The following PUDP variants were observed in gnomAD, a reference collection of about 807,000 sequenced individuals.
PUDP encodes pseudouridine-5'-phosphatase.
Under a neutral mutation model 9.4 loss-of-function variants are expected in PUDP, and 8 were observed. The ratio of observed to expected loss-of-function variants is 0.85; its 90% confidence interval spans 0.50 to 1.53. The LOEUF is 1.53. Ranked by LOEUF, PUDP falls within the 40% of genes most tolerant of loss-of-function variation. PUDP has a pLI of 0.00. For synonymous variants in PUDP, 99 were observed against 80.7 expected (o/e 1.23, Z -1.22); for missense variants, 188 against 189.7 (o/e 0.99, Z 0.05).
At chrX:6,868,986 A>C (rs1000620920) in intron 3 of PUDP, among the ~76,000 whole-genome samples, 4 of 112,040 alleles carry the variant, frequency 3.6e-5, no homozygotes, top group African/African-American at 1.3e-4. Context: ...AGAATTACTA[A>C]AGGTTCTCTG....
At chrX:6,797,518 G>T (rs758969215) in intron 3 of PUDP, among the ~76,000 whole-genome samples, 3 of 111,651 alleles carry the variant, frequency 2.7e-5, no homozygotes, top group Non-Finnish European at 5.6e-5. Flanking sequence ...CATCTTGTAA[G>T]GACACTTAAG....
chrX:6,898,210 T>C (rs1927621265), intron 3 of PUDP, among the ~76,000 whole-genome samples: 1 of 112,593 alleles, frequency 8.9e-6, no homozygotes, highest in Admixed American at 9.4e-5. Flanking sequence ...GGTTGCTCCA[T>C]GTTCTGAGCA....
At chrX:6,838,093 G>A (rs975521467) in intron 3 of PUDP, among the ~76,000 whole-genome samples, 2 of 112,072 alleles carry the variant, frequency 1.8e-5, no homozygotes, top group African/African-American at 3.2e-5. Context: ...AGAAGGTAAG[G>A]ATGGACATGA....
At chrX:7,091,683 G>A (rs1453294919) in intron 2 of PUDP, among the ~76,000 whole-genome samples, 1 of 111,370 alleles carries the variant, frequency 9.0e-6, no homozygotes, top group Non-Finnish European at 1.9e-5. Context: ...AAGATCTGGA[G>A]AACCTGACCA....
intron 3 of PUDP, among the ~76,000 whole-genome samples, chrX:6,803,572 T>G (rs1926000884): frequency 8.9e-6 from 1 of 112,264 alleles, no homozygotes; most frequent in Admixed American, 9.4e-5. Flanking sequence ...GAAAAAAGTG[T>G]CCAAAAAAAG....
At chrX:6,738,965 G>A (rs1261078355) in intron 3 of PUDP, among the ~76,000 whole-genome samples, 1 of 111,781 alleles carries the variant, frequency 8.9e-6, no homozygotes, top group South Asian at 3.8e-4. Context: ...AGAAATAGAG[G>A]AAGAGAGAGA....
At chrX:6,737,743 A>G (rs1014475277) in intron 3 of PUDP, among the ~76,000 whole-genome samples, 3 of 111,420 alleles carry the variant, frequency 2.7e-5, no homozygotes, top group Non-Finnish European at 3.8e-5. Flanking sequence ...GTCTCTGCCC[A>G]AAAATGCCAG....
intron 1 of PUDP, among the ~76,000 whole-genome samples, chrX:7,002,838 G>A (rs1470190131): frequency 1.8e-5 from 2 of 109,851 alleles, no homozygotes; most frequent in African/African-American, 3.3e-5. Context: ...AGAACTATAC[G>A]CACCCAGTGG....
intron 1 of PUDP, among the ~76,000 whole-genome samples, chrX:7,134,967 T>A (rs1382577704): frequency 8.9e-6 from 1 of 112,247 alleles, no homozygotes; most frequent in African/African-American, 3.2e-5. Context: ...GCCAAGCTAC[T>A]GCAATTGAGG....
intron 3 of PUDP, among the ~76,000 whole-genome samples, chrX:6,747,515 T>C (rs1009771422): frequency 8.9e-5 from 10 of 112,410 alleles, no homozygotes; most frequent in African/African-American, 3.2e-4. Flanking sequence ...CTAATGTTAA[T>C]TAGACAACAT....
intron 3 of PUDP, among the ~76,000 whole-genome samples, chrX:6,960,611 C>T (rs1928693153): frequency 8.9e-6 from 1 of 112,121 alleles, no homozygotes; most frequent in African/African-American, 3.2e-5. Context: ...TATAGCAGCA[C>T]AAATCAGTCT....
chrX:7,070,249 T>G (rs1337768546), intron 3 of PUDP, among the ~76,000 whole-genome samples: 1 of 112,360 alleles, frequency 8.9e-6, no homozygotes, highest in Non-Finnish European at 1.9e-5. Context: ...TGAAGGTCCT[T>G]GTTATTACGG....
chrX:7,075,942 C>T lies in PUDP; in HGVS notation c.510+1278G>A, dbSNP rs1010587563. Among the ~76,000 whole-genome samples, 9 of 111,206 alleles carry T rather than the reference C, an allele frequency of 8.1e-5. No homozygotes were observed. In the East Asian group the frequency reaches 8.6e-4, roughly 11 times the overall value. ...TCAGAAGTACAGGTGGCCCCTGGAA[C>T]GTGCAATGGGCGTCTTGTGGGACTG... On this transcript the variant is annotated intron_variant, in intron 3 of 3. Coordinates refer to ENST00000381077, the MANE Select transcript of PUDP (RefSeq NM_012080.5).
chrX:6,836,733 T>C (rs1474534115), intron 3 of PUDP, among the ~76,000 whole-genome samples: 1 of 108,328 alleles, frequency 9.2e-6, no homozygotes, highest in Non-Finnish European at 1.9e-5. Flanking sequence ...CTTAATTTAA[T>C]CACAATTACA....
At chrX:6,842,172 AT>A (rs1443516371) in intron 3 of PUDP, among the ~76,000 whole-genome samples, 2 of 111,951 alleles carry the variant, frequency 1.8e-5, no homozygotes, top group East Asian at 5.5e-4. Flanking sequence ...GATAAATGAG[AT>A]TTTCAGCCAG....
intron 3 of PUDP, among the ~76,000 whole-genome samples, chrX:6,795,473 G>A (rs1324846485): frequency 9.0e-6 from 1 of 111,271 alleles, no homozygotes; most frequent in East Asian, 2.8e-4. Context: ...ACCATCATGG[G>A]GGCTGTGTAA....
At chrX:6,874,458 C>T (rs1927221844) in intron 3 of PUDP, among the ~76,000 whole-genome samples, 1 of 112,464 alleles carries the variant, frequency 8.9e-6, no homozygotes, top group Non-Finnish European at 1.9e-5. Flanking sequence ...GAGATGTAAA[C>T]ATTTTGAAAA....
intron 3 of PUDP, among the ~76,000 whole-genome samples, chrX:6,809,275 C>A (rs1926102639): frequency 9.0e-6 from 1 of 110,532 alleles, no homozygotes. Flanking sequence ...CCCATGGGTT[C>A]TCAACATGGT....
intron 1 of PUDP, among the ~76,000 whole-genome samples, chrX:7,107,888 C>T (rs1211882611): frequency 8.9e-6 from 1 of 112,611 alleles, no homozygotes; most frequent in African/African-American, 3.2e-5. Flanking sequence ...CCCAGATAGG[C>T]ATGCAGAGAG....
Sources: allele counts gnomAD v4.1 joint callset (sites outside exome capture counted in the v4.1 genomes callset), GRCh38; gene constraint gnomAD v4.1.1; transcripts MANE v1.5; gene names NCBI Gene and HGNC (gene_info 2026-07-23, HGNC 2026-07-21).